The following VAPB variants were observed in gnomAD, a reference collection of about 807,000 sequenced individuals.
VAPB encodes the protein VAMP associated protein B and C.
VAPB carries 7 observed loss-of-function variants against 25.6 expected under a neutral mutation model. That is an observed-to-expected ratio of 0.27 (90% CI 0.16 to 0.51). VAPB has a LOEUF of 0.51. Among genes scored for constraint, VAPB ranks in the 20% least tolerant of loss-of-function variants. The pLI is 0.97. For synonymous variants in VAPB, 112 were observed against 109.2 expected, an observed-to-expected ratio of 1.03 and a Z score of -0.16; for missense variants, 266 against 301.3, an observed-to-expected ratio of 0.88 and a Z score of 0.87.
intron 1 of VAPB, among the ~76,000 whole-genome samples, chr20:58,413,560 T>C (rs915486458): frequency 7.2e-5 from 11 of 152,066 alleles, no homozygotes; most frequent in Admixed American, 2.6e-4. Context: ...TACACAGACA[T>C]GGCAACCATC....
rs1423373454 is a variant in VAPB at position 58,447,083 on chromosome 20, A to G, written c.*2848A>G. 2.2e-6 allele frequency: 1 copy of G among 454,098 alleles called. No homozygotes were observed. Among genetic ancestry groups the G allele is most frequent in the Non-Finnish European group, 4.4e-6 (1 of 226,768 alleles). The allele number at this position is 454,098 out of a possible 1,614,324, so 28.1% of individuals were successfully genotyped here. On this transcript the variant is annotated 3_prime_UTR_variant, in exon 6 of 6. Coordinates refer to ENST00000475243, the MANE Select transcript of VAPB (RefSeq NM_004738.5). ...GGGAGCTGCTGCCAGGCTGCCCTCC[A>G]GTCTGCTCCTGTGGTTACTGGCTCC... is the stretch of plus-strand genomic sequence containing the variant.
intron 2 of VAPB, among the ~76,000 whole-genome samples, chr20:58,428,676 C>T (rs1391013218): frequency 6.6e-6 from 1 of 152,134 alleles, no homozygotes; most frequent in African/African-American, 2.4e-5. Context: ...CTTTTATAGT[C>T]TGCCATGGTA....
Position 58,440,952 on chromosome 20 carries a change from A to C in VAPB, c.442A>C (p.Thr148Pro), listed in dbSNP as rs1243321032. ...NKIISTTASK[T>P]ETPIVSKSLS... ...AATTATATCCACAACTGCATCAAAG[A>C]CAGAAACACCAATAGTGTCTAAGTC... The change falls in exon 5 of 6, where the codon ACA becomes CCA. Residue 148 changes from threonine (T) to proline (P), a missense_variant. Coordinates refer to ENST00000475243, the MANE Select transcript of VAPB (RefSeq NM_004738.5). The C allele has an allele frequency of 6.2e-7, 1 of 1,614,092 alleles. No homozygotes were observed. The highest frequency in any genetic ancestry group is 8.5e-7 in the Non-Finnish European group (1 of 1,180,004).
chr20:58,438,861 T>C, intron 3 of VAPB, 84 bp from the exon 4 acceptor site: 1 of 1,184,600 alleles, frequency 8.4e-7, no homozygotes, highest in Middle Eastern at 2.4e-4. Flanking sequence ...TAAGAGTATT[T>C]TTCTGAAATT....
At chr20:58,430,727 C>T (rs1296079068) in intron 2 of VAPB, among the ~76,000 whole-genome samples, 1 of 152,074 alleles carries the variant, frequency 6.6e-6, no homozygotes, top group Non-Finnish European at 1.5e-5. Context: ...AGGCATGCAC[C>T]ACCACACCCA....
At chr20:58,389,622 C>A in intron 1 of VAPB, 105 bp downstream of exon 1, 1 of 1,240,470 alleles carries the variant, frequency 8.1e-7, no homozygotes. Flanking sequence ...CCCACCCCGA[C>A]GGCGCTGTCG....
At chr20:58,438,432 C>T (rs774855869) in intron 3 of VAPB, among the ~76,000 whole-genome samples, 11 of 152,164 alleles carry the variant, frequency 7.2e-5, no homozygotes, top group Non-Finnish European at 1.5e-4. Context: ...CATGTGCCTC[C>T]ATGCTTAGCT....
chr20:58,426,360 G>A (rs73296834), intron 2 of VAPB, among the ~76,000 whole-genome samples: 1,835 of 152,290 alleles, frequency 0.012, 36 homozygotes, highest in African/African-American at 0.04. Flanking sequence ...ACCATGCCTG[G>A]CTATTCCTTA....
rs1568722598 is a variant in VAPB, at chr20:58,445,369, AG to A, written c.*1135del. 2.2e-6 allele frequency: 1 copy of A among 454,624 alleles called. No individual in the cohort carries two copies. The highest frequency in any genetic ancestry group is 6.9e-5 in the East Asian group (1 of 14,396). The allele number at this position is 454,624 out of a possible 1,614,324, so 28.2% of individuals were successfully genotyped here. A position where few individuals can be genotyped will look rare whatever the true frequency, so the allele number is the denominator to read the frequency against. ...ATGGATCGGGCTGCAGAGGGTTAGAAGCGAGGGCACCAGCAGTTGTGGGTGG... is the reference window on the plus strand; with the variant it reads ...ATGGATCGGGCTGCAGAGGGTTAGAACGAGGGCACCAGCAGTTGTGGGTGG... On this transcript the variant is annotated 3_prime_UTR_variant, in exon 6 of 6. Coordinates refer to ENST00000475243, the MANE Select transcript of VAPB (RefSeq NM_004738.5).
intron 1 of VAPB, among the ~76,000 whole-genome samples, chr20:58,400,359 C>G (rs1486849522): frequency 1.3e-5 from 2 of 152,162 alleles, no homozygotes; most frequent in East Asian, 1.9e-4. Flanking sequence ...CTTGTATTTC[C>G]CACAGCACCT....
In VAPB at chr20:58,436,327, CTTTTTTT is replaced by C. The variant is rs57100987; in HGVS notation, c.315+1639_315+1645del. On this transcript the variant is annotated intron_variant, in intron 3 of 5. Transcript: ENST00000475243. The stretch of plus-strand genomic sequence containing the variant: ...AAATGAGAGCTTTGTGTTTTTCTTC[CTTTTTTT>C]TTTTTTTTTTTTTTTTGGAGACATG... 7.0e-5 allele frequency among the ~76,000 whole-genome samples: 8 copies of C among 114,990 alleles called. No homozygotes were observed. The South Asian group carries it at 8.4e-4, about 12-fold the overall frequency. The allele number at this position is 114,990 out of a possible 152,430, so 75.4% of individuals were successfully genotyped here.
chr20:58,444,671 C>G lies in VAPB; in HGVS notation c.*436C>G, dbSNP rs966052820. On this transcript the variant is annotated 3_prime_UTR_variant, in exon 6 of 6. Transcript: ENST00000475243. ...GGTCAGCTCCACACAGTAGTCCCCACGTGGCCCACTCCCGGCCCAGGCTGC... is the reference window on the plus strand; with the variant it reads ...GGTCAGCTCCACACAGTAGTCCCCAGGTGGCCCACTCCCGGCCCAGGCTGC... 2.2e-6 allele frequency: 1 copy of G among 454,440 alleles called. No individual in the cohort carries two copies. Among genetic ancestry groups the G allele is most frequent in the African/African-American group, 2.0e-5 (1 of 50,030 alleles). 28.2% of individuals were successfully genotyped at this position (454,440 alleles called of 1,614,324 possible). A position where few individuals can be genotyped will look rare whatever the true frequency, so the allele number is the denominator to read the frequency against.
intron 4 of VAPB, chr20:58,440,556 G>A (rs551808338): frequency 3.4e-6 from 1 of 292,672 alleles, no homozygotes; most frequent in South Asian, 3.3e-5. Context: ...CATCTTTGTG[G>A]TGACAGTAAT....
intron 1 of VAPB, among the ~76,000 whole-genome samples, chr20:58,408,870 T>C (rs982025028): frequency 4.0e-5 from 6 of 149,948 alleles, no homozygotes; most frequent in Non-Finnish European, 8.9e-5. Context: ...TTGGAGGATC[T>C]GGTGATGAAT....
intron 1 of VAPB, among the ~76,000 whole-genome samples, chr20:58,408,812 G>T (rs566010331): frequency 1.8e-4 from 27 of 151,530 alleles, no homozygotes; most frequent in African/African-American, 6.3e-4. Context: ...AGGAAGTCTC[G>T]TATTCATGCA....
At chr20:58,403,442 C>T (rs1384783827) in intron 1 of VAPB, among the ~76,000 whole-genome samples, 2 of 152,212 alleles carry the variant, frequency 1.3e-5, no homozygotes, top group Non-Finnish European at 2.9e-5. Flanking sequence ...AGTCTTCTAT[C>T]ACAGCTAATT....
At position 58,440,703 on chromosome 20, in the gene VAPB, C is replaced by T. The variant is rs1465639363; in HGVS notation, c.397-204C>T. 9 of 506,802 alleles carry T rather than the reference C, an allele frequency of 1.8e-5. No homozygotes were observed. The Admixed American group carries it at 2.6e-4, about 15-fold the overall frequency. The allele number at this position is 506,802 out of a possible 1,614,324, so 31.4% of individuals were successfully genotyped here. ...TCTCAGCCGAACTTCATTATTTGCC[C>T]TTATCCATAATTTCTAGGGCCCTGT... On this transcript the variant is annotated intron_variant, in intron 4 of 5. Transcript: ENST00000475243.
Position 58,446,318 on chromosome 20 carries a change from T to G in VAPB, c.*2083T>G. On this transcript the variant is annotated 3_prime_UTR_variant, in exon 6 of 6. Transcript: ENST00000475243. Reference sequence around the variant, plus strand: ...ACTAAAATTTACTAATTGTAGTTGCTGCAGCCAGTTAAGTCCTGTAGCTTC... The same window carrying G: ...ACTAAAATTTACTAATTGTAGTTGCGGCAGCCAGTTAAGTCCTGTAGCTTC... The G allele has an allele frequency of 2.2e-6, 1 of 454,144 alleles. No individual in the cohort carries two copies. The highest frequency in any genetic ancestry group is 4.4e-6 in the Non-Finnish European group (1 of 226,792). The allele number at this position is 454,144 out of a possible 1,614,324, so 28.1% of individuals were successfully genotyped here.
intron 1 of VAPB, among the ~76,000 whole-genome samples, chr20:58,394,464 G>A (rs1252595176): frequency 6.6e-6 from 1 of 152,258 alleles, no homozygotes; most frequent in Non-Finnish European, 1.5e-5. Context: ...GGAGCAGACT[G>A]TGCTTTACAG....
Sources: allele counts gnomAD v4.1 joint callset (sites outside exome capture counted in the v4.1 genomes callset), GRCh38; gene constraint gnomAD v4.1.1; transcripts MANE v1.5; gene names NCBI Gene and HGNC (gene_info 2026-07-23, HGNC 2026-07-21).